The following RTN1 variants were observed in gnomAD, a reference collection of about 807,000 sequenced individuals.
RTN1 encodes the protein reticulon-1.
Under a neutral mutation model 65.5 loss-of-function variants are expected in RTN1, and 25 were observed. The ratio of observed to expected loss-of-function variants is 0.38; its 90% confidence interval spans 0.28 to 0.53. RTN1 has a LOEUF of 0.53. RTN1 is among the 20% of genes least tolerant of loss of function. RTN1 has a pLI of 0.79. For missense variants in RTN1, 983 were observed against 1,025.4 expected, an observed-to-expected ratio of 0.96 and a Z score of 0.57; for synonymous variants, 471 against 447.6, an observed-to-expected ratio of 1.05 and a Z score of -0.66.
intron 3 of RTN1, among the ~76,000 whole-genome samples, chr14:59,644,435 C>G (rs774218276): frequency 1.3e-5 from 2 of 152,162 alleles, no homozygotes; most frequent in Non-Finnish European, 2.9e-5. Context: ...TGAACCCACT[C>G]CATCAGGGCC....
intron 3 of RTN1, among the ~76,000 whole-genome samples, chr14:59,651,238 C>T (rs556805499): frequency 1.3e-5 from 2 of 152,120 alleles, no homozygotes; most frequent in Non-Finnish European, 2.9e-5. Flanking sequence ...GGCCACACAC[C>T]TACAACCATC....
At chr14:59,715,700 C>T (rs1001671398) in intron 3 of RTN1, among the ~76,000 whole-genome samples, 1 of 151,958 alleles carries the variant, frequency 6.6e-6, no homozygotes, top group African/African-American at 2.4e-5. Context: ...GTGGTGGGCA[C>T]CTGTAATCCT....
chr14:59,773,995 GT>G (rs1886006336), intron 1 of RTN1, among the ~76,000 whole-genome samples: 1 of 152,070 alleles, frequency 6.6e-6, no homozygotes, highest in Admixed American at 6.6e-5. Flanking sequence ...TGTGATTAGA[GT>G]TTATTATTTA....
intron 3 of RTN1, chr14:59,610,375 G>A (rs546238186): frequency 7.3e-6 from 4 of 546,344 alleles, no homozygotes; most frequent in African/African-American, 1.9e-5. Context: ...ACAACAGGCT[G>A]TTGGTTCTGG....
At chr14:59,765,128 GA>G (rs375803766) in intron 1 of RTN1, among the ~76,000 whole-genome samples, 4,440 of 145,314 alleles carry the variant, frequency 0.031, 196 homozygotes, top group African/African-American at 0.1. Flanking sequence ...AGAATTAGGA[GA>G]AAAAAAAAAC....
chr14:59,738,481 T>G (rs1426225268), intron 2 of RTN1, among the ~76,000 whole-genome samples: 1 of 152,146 alleles, frequency 6.6e-6, no homozygotes, highest in East Asian at 1.9e-4. Context: ...GAATGGCTAT[T>G]ACCAAAAAGT....
chr14:59,641,168 A>G (rs957602352), intron 3 of RTN1, among the ~76,000 whole-genome samples: 3 of 151,958 alleles, frequency 2.0e-5, no homozygotes, highest in Admixed American at 1.3e-4. Flanking sequence ...GAGTTTTGCC[A>G]TGTTACCCAG....
chr14:59,755,393 T>A (rs909140166), intron 1 of RTN1, among the ~76,000 whole-genome samples: 2 of 152,128 alleles, frequency 1.3e-5, no homozygotes, highest in African/African-American at 4.8e-5. Context: ...AAAACTGTAA[T>A]GACAGTGCAG....
chr14:59,869,371 C>T (rs1228808128), intron 1 of RTN1, among the ~76,000 whole-genome samples: 9 of 152,026 alleles, frequency 5.9e-5, no homozygotes, highest in Non-Finnish European at 1.3e-4. Flanking sequence ...TCCACCATAG[C>T]AAAGCTTTCT....
At chr14:59,628,800 C>A (rs772482225) in intron 3 of RTN1, among the ~76,000 whole-genome samples, 1 of 151,980 alleles carries the variant, frequency 6.6e-6, no homozygotes, top group Non-Finnish European at 1.5e-5. Context: ...CGAGTCAAAC[C>A]GCATAAGATT....
rs770932339 is a variant in RTN1, at chr14:59,870,434, C to A, written c.197G>T (p.Gly66Val). The stretch of plus-strand genomic sequence containing the variant: ...GGCAACGGGCGACTGCCGGGCGGGG[C>A]CCGAGCCGGCTTCCCGCGACGCCGC... ...REAASREAGS[G>V]PARQSPVAME... The change falls in exon 1 of 9, where the codon GGC becomes GTC. Residue 66 changes from glycine (G) to valine (V), a missense_variant. Gly to Val is a moderately radical substitution (Grantham distance 109). Coordinates refer to ENST00000267484, the MANE Select transcript of RTN1 (RefSeq NM_021136.3). The surrounding 1 kb of genome is among the most constrained non-coding windows in gnomAD (Gnocchi z 5.1). 6.6e-7 allele frequency: 1 copy of A among 1,518,774 alleles called. No individual in the cohort carries two copies. The highest frequency in any genetic ancestry group is 1.2e-5 in the South Asian group (1 of 81,654). The allele number at this position is 1,518,774 out of a possible 1,614,324, so 94.1% of individuals were successfully genotyped here.
intron 3 of RTN1, among the ~76,000 whole-genome samples, chr14:59,636,751 T>C (rs1214768774): frequency 2.0e-5 from 3 of 152,342 alleles, no homozygotes; most frequent in South Asian, 2.1e-4. Context: ...TTTTTGGGGT[T>C]TCCAAGTGCA....
intron 3 of RTN1, among the ~76,000 whole-genome samples, chr14:59,638,324 A>G (rs771677338): frequency 6.6e-6 from 1 of 152,194 alleles, no homozygotes; most frequent in Non-Finnish European, 1.5e-5. Flanking sequence ...TTTGAAAGGA[A>G]TATGTATTTT....
intron 6 of RTN1, 39 bp downstream of exon 6, chr14:59,603,813 G>T (rs375889807): frequency 5.2e-5 from 80 of 1,531,580 alleles, no homozygotes; most frequent in Middle Eastern, 1.7e-4. Context: ...TTTCACAGAG[G>T]GGGTGAAGGA....
chr14:59,626,153 T>A (rs957043046), intron 3 of RTN1, among the ~76,000 whole-genome samples: 5 of 152,332 alleles, frequency 3.3e-5, no homozygotes, highest in Middle Eastern at 3.4e-3. Flanking sequence ...AAGGCATGCT[T>A]TTTTTCAATT....
chr14:59,816,278 T>C lies in RTN1; in HGVS notation c.241+54112A>G, dbSNP rs937138730. On this transcript the variant is annotated intron_variant, in intron 1 of 8. Coordinates refer to ENST00000267484, the MANE Select transcript of RTN1 (RefSeq NM_021136.3). This position sits in a 1 kb window ranked among gnomAD's most constrained non-coding sequence, Gnocchi z 4.3. ...TACTCAGGTGATTAATGAATGCTGA[T>C]ACAGACCTTTAGTAAAGAACAAAAT... Among the ~76,000 whole-genome samples the C allele has an allele frequency of 5.9e-5, 9 of 152,132 alleles. No individual in the cohort carries two copies.
At chr14:59,761,337 T>A (rs12882475) in intron 1 of RTN1, among the ~76,000 whole-genome samples, 56,666 of 152,018 alleles carry the variant, frequency 0.37, 10,717 homozygotes, top group Admixed American at 0.45. Context: ...TCCCCCGTAC[T>A]GTTCTCGTGG....
Position 59,727,837 on chromosome 14 carries a change from G to C in RTN1, c.1016-169C>G, listed in dbSNP as rs1884813793. The C allele has an allele frequency of 1.0e-6, 1 of 973,568 alleles. No homozygotes were observed. The highest frequency in any genetic ancestry group is 1.4e-6 in the Non-Finnish European group (1 of 696,150). The allele number at this position is 973,568 out of a possible 1,614,324, so 60.3% of individuals were successfully genotyped here. The stretch of plus-strand genomic sequence containing the variant: ...ATAATCTGTTTCCAGGGCTATGCTG[G>C]AAAGACAGGCCACCTGAACTAAAAG... On this transcript the variant is annotated intron_variant, in intron 2 of 8. Transcript: ENST00000267484. This position sits in a 1 kb window ranked among gnomAD's most constrained non-coding sequence, Gnocchi z 4.2.
chr14:59,603,845 C>T lies in RTN1; in HGVS notation c.2182+7G>A. On this transcript the variant is annotated splice_region_variant and intron_variant, in intron 6 of 8. Coordinates refer to ENST00000267484, the MANE Select transcript of RTN1 (RefSeq NM_021136.3). ...AGGAAGACGTATACAGTCTTATCTG[C>T]TCTTACCCATGAGCAGCAGGGTCAG... 2 of 1,609,738 alleles carry T rather than the reference C, an allele frequency of 1.2e-6. No individual in the cohort carries two copies. The highest frequency in any genetic ancestry group is 1.7e-4 in the Middle Eastern group (1 of 6,026).
Sources: gnomAD v4.1 joint callset for allele counts (sites outside exome capture counted in the v4.1 genomes callset) on GRCh38, gnomAD v4.1.1 for gene constraint, Gnocchi (gnomAD v3.1) non-coding constraint, MANE v1.5 for transcripts, NCBI Gene and HGNC (gene_info 2026-07-23, HGNC 2026-07-21) for gene names.